Variants in ADGRB2 observed in about 807,000 individuals in gnomAD.
ADGRB2 encodes adhesion G protein-coupled receptor B2.
Under a neutral mutation model 178.7 loss-of-function variants are expected in ADGRB2, and 47 were observed. The observed-to-expected ratio is 0.26, with a 90% CI of 0.21 to 0.34. The LOEUF (loss-of-function observed/expected upper bound fraction) is 0.34, where lower values mean the gene tolerates loss of function less well. ADGRB2 is among the 10% of genes least tolerant of loss of function. ADGRB2 has a pLI of 1.00. For synonymous variants in ADGRB2, 870 were observed against 912.4 expected (o/e 0.95, Z 0.84); for missense variants, 1,584 against 2,180.8 (o/e 0.73, Z 5.45).
Position 31,741,600 on chromosome 1 carries a change from T to G in ADGRB2, c.1687+24A>C, listed in dbSNP as rs750304563. 12 of 1,605,330 alleles carry G rather than the reference T, an allele frequency of 7.5e-6. No homozygotes were observed. The highest frequency in any genetic ancestry group is 1.1e-5 in the South Asian group (1 of 90,032). The stretch of plus-strand genomic sequence containing the variant: ...ATGAGAATGGCAGGGGTGGTGGTGG[T>G]GGGGAAAGCCACCTGCCCCTTACCT... On this transcript the variant is annotated intron_variant, in intron 10 of 32. Transcript: ENST00000373658. The surrounding 1 kb of genome is among the most constrained non-coding windows in gnomAD (Gnocchi z 6.5).
In ADGRB2 at chr1:31,741,764, T is replaced by C; in HGVS notation, c.1585+36A>G. On this transcript the variant is annotated intron_variant, in intron 9 of 32. Coordinates refer to ENST00000373658, the MANE Select transcript of ADGRB2 (RefSeq NM_001364857.2). The surrounding 1 kb of genome is among the most constrained non-coding windows in gnomAD (Gnocchi z 6.5). ...GGTAAGGTTCAGCTGGGTCCACACA[T>C]GGGGCCCCCAGCCCCCAGGGTCATT... 2 of 1,600,388 alleles carry C rather than the reference T, an allele frequency of 1.2e-6. No homozygotes were observed. The highest frequency in any genetic ancestry group is 2.2e-5 in the South Asian group (2 of 89,876).
At chr1:31,748,813 G>A (rs560547675) in intron 4 of ADGRB2, among the ~76,000 whole-genome samples, 3 of 151,902 alleles carry the variant, frequency 2.0e-5, no homozygotes, top group Admixed American at 6.5e-5. Flanking sequence ...ATAAGGCAAC[G>A]TTTACTAAAC....
Position 31,735,946 on chromosome 1 carries a change from C to T in ADGRB2, c.3201-53G>A. On this transcript the variant is annotated intron_variant, in intron 22 of 32. Transcript: ENST00000373658. This position sits in a 1 kb window ranked among gnomAD's most constrained non-coding sequence, Gnocchi z 6.0. Reference sequence around the variant, plus strand: ...GACACCCAGCAGCCTCCCTCCCCACCCTCAAACACCATCCCTCAGTCCTCC... The same window carrying T: ...GACACCCAGCAGCCTCCCTCCCCACTCTCAAACACCATCCCTCAGTCCTCC... The T allele has an allele frequency of 6.7e-7, 1 of 1,500,670 alleles. No individual in the cohort carries two copies. Among genetic ancestry groups the T allele is most frequent in the Non-Finnish European group, 9.0e-7 (1 of 1,108,906 alleles). The allele number at this position is 1,500,670 out of a possible 1,614,324, so 93.0% of individuals were successfully genotyped here.
At chr1:31,743,126 C>T (rs1646074727) in intron 6 of ADGRB2, 124 bp from the exon 7 acceptor site, 1 of 1,165,410 alleles carries the variant, frequency 8.6e-7, no homozygotes, top group South Asian at 2.1e-5. Context: ...TGGCTCTGCC[C>T]CGGGATCTGT....
rs1476097001 is a variant in ADGRB2, at chr1:31,732,575, C to T, written c.3662G>A (p.Arg1221Gln). Residue 1221 changes from arginine (R) to glutamine (Q), a missense_variant, in exon 27 of 33, where the codon CGG becomes CAG. Coordinates refer to ENST00000373658, the MANE Select transcript of ADGRB2 (RefSeq NM_001364857.2). The stretch of plus-strand genomic sequence containing the variant: ...AGGGGAGTCTTCGCTCTCATCAGCC[C>T]GGCACACCCCCATCTGGCACTTCAC... ...DVVKCQMGVCRADESEDSPDS... is the reference protein window; with the variant it reads ...DVVKCQMGVCQADESEDSPDS... 6.2e-6 allele frequency: 10 copies of T among 1,614,036 alleles called. No individual in the cohort carries two copies. Among genetic ancestry groups the T allele is most frequent in the Admixed American group, 3.3e-5 (2 of 60,002 alleles).
At position 31,758,258 on chromosome 1, in the gene ADGRB2, C is replaced by T. The variant is rs937677691; in HGVS notation, c.-190-747G>A. ...GCTAGGAAAAGGGAGACAACCCGCT[C>T]CAGATCACACAAAGGTGGCCACAGA... On this transcript the variant is annotated intron_variant, in intron 1 of 32. Transcript: ENST00000373658. The surrounding 1 kb of genome is among the most constrained non-coding windows in gnomAD (Gnocchi z 4.2). Among the ~76,000 whole-genome samples the T allele has an allele frequency of 6.6e-6, 1 of 152,224 alleles. No homozygotes were observed. The highest frequency in any genetic ancestry group is 1.5e-5 in the Non-Finnish European group (1 of 68,026).
chr1:31,756,327 C>A lies in ADGRB2; in HGVS notation c.510G>T (p.Pro170=), dbSNP rs745764525. 8.7e-6 allele frequency: 14 copies of A among 1,612,924 alleles called. No individual in the cohort carries two copies. The East Asian group carries it at 3.1e-4, about 36-fold the overall frequency. The part of the protein sequence containing the change: ...LCLSAEPSEA[P]RLLAPAALAF... ...CTAGGGCAGCGGGCGCCAGCAGGCGCGGGGCCTCGGAGGGCTCAGCCGACA... is the reference window on the plus strand; with the variant it reads ...CTAGGGCAGCGGGCGCCAGCAGGCGAGGGGCCTCGGAGGGCTCAGCCGACA... Residue 170 remains proline (P), a synonymous_variant, in exon 4 of 33, where the codon CCG becomes CCT. Transcript: ENST00000373658. The surrounding 1 kb of genome is among the most constrained non-coding windows in gnomAD (Gnocchi z 8.5).
intron 28 of ADGRB2, 137 bp from the exon 29 acceptor site, chr1:31,731,556 G>T: frequency 1.8e-6 from 2 of 1,098,008 alleles, no homozygotes; most frequent in Non-Finnish European, 2.5e-6. Context: ...ATGGCTGGGT[G>T]GTTGGTAATC....
Position 31,744,277 on chromosome 1 carries a change from A to G in ADGRB2, c.1003T>C (p.Ser335Pro). 1 of 1,551,346 alleles carries G rather than the reference A, an allele frequency of 6.4e-7. No individual in the cohort carries two copies. Among genetic ancestry groups the G allele is most frequent in the Non-Finnish European group, 8.7e-7 (1 of 1,146,868 alleles). The change falls in exon 6 of 33, where the codon TCC becomes CCC. Residue 335 changes from serine (S) to proline (P), a missense_variant. By Grantham distance (74) the Ser-to-Pro change is moderately conservative. Coordinates refer to ENST00000373658, the MANE Select transcript of ADGRB2 (RefSeq NM_001364857.2). The surrounding 1 kb of genome is among the most constrained non-coding windows in gnomAD (Gnocchi z 6.7). Reference sequence around the variant, plus strand: ...GTCCCATAGGGGGAGGACACACAGGAGCGGGTCCGCACCTGCAGACCCTGC... The same window carrying G: ...GTCCCATAGGGGGAGGACACACAGGGGCGGGTCCGCACCTGCAGACCCTGC... ...CGQGLQVRTR[S>P]CVSSPYGTLC...
In ADGRB2 at chr1:31,728,419, A is replaced by C; in HGVS notation, c.4417-139T>G. 2.3e-6 allele frequency: 3 copies of C among 1,306,818 alleles called. No individual in the cohort carries two copies. The highest frequency in any genetic ancestry group is 3.3e-6 in the Non-Finnish European group (3 of 913,946). 81.0% of individuals were successfully genotyped at this position (1,306,818 alleles called of 1,614,324 possible). On this transcript the variant is annotated intron_variant, in intron 30 of 32. Transcript: ENST00000373658. This position sits in a 1 kb window ranked among gnomAD's most constrained non-coding sequence, Gnocchi z 6.7. Reference sequence around the variant, plus strand: ...TGGGACAAGACCTAGTTCTCTCTTCACGTTGGTGCTATGGGCTTGGGCAGG... The same window carrying C: ...TGGGACAAGACCTAGTTCTCTCTTCCCGTTGGTGCTATGGGCTTGGGCAGG...
At chr1:31,734,792 T>A (rs927725049) in intron 25 of ADGRB2, among the ~76,000 whole-genome samples, 9 of 152,218 alleles carry the variant, frequency 5.9e-5, no homozygotes, top group Admixed American at 4.6e-4. Context: ...CATTCTAACA[T>A]TCTTAGCTTC....
chr1:31,759,226 C>T lies in ADGRB2; in HGVS notation c.-190-1715G>A. 1.3e-6 allele frequency: 1 copy of T among 761,878 alleles called. No individual in the cohort carries two copies. The highest frequency in any genetic ancestry group is 2.5e-6 in the Non-Finnish European group (1 of 405,418). 47.2% of individuals were successfully genotyped at this position (761,878 alleles called of 1,614,324 possible). ...AAACCCACAGATTCATGCTGTCACA[C>T]ACACTCAGGAGTTAACACGCACACA... On this transcript the variant is annotated intron_variant, in intron 1 of 32. Coordinates refer to ENST00000373658, the MANE Select transcript of ADGRB2 (RefSeq NM_001364857.2). The surrounding 1 kb of genome is among the most constrained non-coding windows in gnomAD (Gnocchi z 4.3).
Position 31,735,943 on chromosome 1 carries a change from C to G in ADGRB2, c.3201-50G>C. On this transcript the variant is annotated intron_variant, in intron 22 of 32. Transcript: ENST00000373658. The surrounding 1 kb of genome is among the most constrained non-coding windows in gnomAD (Gnocchi z 6.0). ...TCAGACACCCAGCAGCCTCCCTCCCCACCCTCAAACACCATCCCTCAGTCC... is the reference window on the plus strand; with the variant it reads ...TCAGACACCCAGCAGCCTCCCTCCCGACCCTCAAACACCATCCCTCAGTCC... 6.7e-7 allele frequency: 1 copy of G among 1,499,604 alleles called. No individual in the cohort carries two copies. Among genetic ancestry groups the G allele is most frequent in the Non-Finnish European group, 9.0e-7 (1 of 1,107,930 alleles). The allele number at this position is 1,499,604 out of a possible 1,614,324, so 92.9% of individuals were successfully genotyped here. A position where few individuals can be genotyped will look rare whatever the true frequency, so the allele number is the denominator to read the frequency against.
intron 27 of ADGRB2, 80 bp from the exon 28 acceptor site, chr1:31,732,234 GC>G (rs1645325757): frequency 3.2e-6 from 5 of 1,576,578 alleles, no homozygotes. Flanking sequence ...GCCCTCCCCA[GC>G]CAGCTTTGCC....
intron 4 of ADGRB2, among the ~76,000 whole-genome samples, chr1:31,751,599 C>A (rs930091300): frequency 6.6e-6 from 1 of 152,108 alleles, no homozygotes; most frequent in Non-Finnish European, 1.5e-5. Context: ...TTAATAACGG[C>A]GCTTTGTTTT....
intron 16 of ADGRB2, 58 bp from the exon 17 acceptor site, chr1:31,738,688 C>T (rs558044897): frequency 6.2e-7 from 1 of 1,605,236 alleles, no homozygotes; most frequent in Non-Finnish European, 8.5e-7. Context: ...CACCCCACCA[C>T]TGCCCATGCC....
In ADGRB2 at chr1:31,756,527, G is replaced by A; in HGVS notation, c.310C>T (p.Leu104=). ...GGCCGCAGGCAGGTAAAGTTGACCA[G>A]GTAGTGGTCCAGGGGCAGCAGGCGG... ...APRLLPLDHY[L]VNFTCLRPSP... The change falls in exon 4 of 33, where the codon CTG becomes TTG. Residue 104 remains leucine (L), a synonymous_variant. Coordinates refer to ENST00000373658, the MANE Select transcript of ADGRB2 (RefSeq NM_001364857.2). This position sits in a 1 kb window ranked among gnomAD's most constrained non-coding sequence, Gnocchi z 8.5. 1 of 1,613,350 alleles carries A rather than the reference G, an allele frequency of 6.2e-7. No individual in the cohort carries two copies. Among genetic ancestry groups the A allele is most frequent in the South Asian group, 1.1e-5 (1 of 91,012 alleles).
Position 31,740,660 on chromosome 1 carries a change from T to C in ADGRB2, c.1795-119A>G, listed in dbSNP as rs1645890816. On this transcript the variant is annotated intron_variant, in intron 11 of 32. Coordinates refer to ENST00000373658, the MANE Select transcript of ADGRB2 (RefSeq NM_001364857.2). The surrounding 1 kb of genome is among the most constrained non-coding windows in gnomAD (Gnocchi z 5.9). ...CACGGGGAGAGAAAGGGGGAAAAGGTCAGAGAGGCTCAAAGGGGCACACAG... is the reference window on the plus strand; with the variant it reads ...CACGGGGAGAGAAAGGGGGAAAAGGCCAGAGAGGCTCAAAGGGGCACACAG... The C allele has an allele frequency of 6.3e-6, 7 of 1,102,382 alleles. No individual in the cohort carries two copies. Among genetic ancestry groups the C allele is most frequent in the Admixed American group, 3.0e-5 (1 of 33,114 alleles). The allele number at this position is 1,102,382 out of a possible 1,614,324, so 68.3% of individuals were successfully genotyped here. A position where few individuals can be genotyped will look rare whatever the true frequency, so the allele number is the denominator to read the frequency against.
Position 31,740,322 on chromosome 1 carries a change from C to T in ADGRB2, c.1989+25G>A, listed in dbSNP as rs371822903. The T allele has an allele frequency of 3.7e-6, 6 of 1,605,862 alleles. No individual in the cohort carries two copies. The highest frequency in any genetic ancestry group is 3.4e-6 in the Non-Finnish European group (4 of 1,174,526). On this transcript the variant is annotated intron_variant, in intron 12 of 32. Coordinates refer to ENST00000373658, the MANE Select transcript of ADGRB2 (RefSeq NM_001364857.2). This position sits in a 1 kb window ranked among gnomAD's most constrained non-coding sequence, Gnocchi z 5.9. ...TTCAGTTTGGGCCTTCTCCACCCTC[C>T]GCCCTCCTTCCTCCTAGGCAGTACC... is the stretch of plus-strand genomic sequence containing the variant.
Sources: allele counts gnomAD v4.1 joint callset (sites outside exome capture counted in the v4.1 genomes callset), GRCh38; gene constraint gnomAD v4.1.1; non-coding constraint Gnocchi (gnomAD v3.1); transcripts MANE v1.5; gene names NCBI Gene and HGNC (gene_info 2026-07-23, HGNC 2026-07-21).